The following AFF4 variants were observed in gnomAD, a reference collection of about 807,000 sequenced individuals.
The protein encoded by AFF4 is ALF transcription elongation factor 4, also known as AF4/FMR2 family member 4.
Under a neutral mutation model 124.8 loss-of-function variants are expected in AFF4, and 13 were observed. That is an observed-to-expected ratio of 0.10 (90% CI 0.07 to 0.17). The LOEUF is 0.17. AFF4 is among the 10% of genes least tolerant of loss of function. The probability of loss-of-function intolerance (pLI) is 1.00; values close to 1 mark genes in which losing one functional copy is unlikely to be tolerated. For synonymous variants in AFF4, 477 were observed against 496.1 expected (o/e 0.96, Z 0.51); for missense variants, 1,092 against 1,403.8 (o/e 0.78, Z 3.55).
chr5:132,926,468 A>G (rs1331502693), intron 5 of AFF4, among the ~76,000 whole-genome samples: 1 of 152,048 alleles, frequency 6.6e-6, no homozygotes, highest in East Asian at 1.9e-4. Context: ...GGTTCTTAAA[A>G]CAACAGTTTG....
chr5:132,952,686 G>C (rs766182311), intron 1 of AFF4, among the ~76,000 whole-genome samples: 8 of 152,196 alleles, frequency 5.3e-5, no homozygotes, highest in Non-Finnish European at 8.8e-5. Context: ...TTGAGGTCAG[G>C]AGTTCAAGAC....
chr5:132,900,502 G>A (rs1425413095), intron 7 of AFF4, among the ~76,000 whole-genome samples: 2 of 152,140 alleles, frequency 1.3e-5, no homozygotes, highest in East Asian at 1.9e-4. Flanking sequence ...GGAGGTTGCA[G>A]TGAGCCGACA....
intron 1 of AFF4, among the ~76,000 whole-genome samples, chr5:132,938,450 G>A (rs1372482228): frequency 6.6e-6 from 1 of 151,514 alleles, no homozygotes; most frequent in East Asian, 2.0e-4. Flanking sequence ...ATTTTTAGTA[G>A]AGACAGGATT....
At chr5:132,962,190 T>C (rs568804506) in intron 1 of AFF4, among the ~76,000 whole-genome samples, 2 of 152,372 alleles carry the variant, frequency 1.3e-5, no homozygotes, top group South Asian at 2.1e-4. Flanking sequence ...AAAAGCACTT[T>C]ATGAAGTGCA....
At chr5:132,936,836 T>C (rs1411034996) in intron 2 of AFF4, among the ~76,000 whole-genome samples, 1 of 152,184 alleles carries the variant, frequency 6.6e-6, no homozygotes, top group African/African-American at 2.4e-5. Flanking sequence ...CTGTTGATGC[T>C]GTGAAAATTC....
At chr5:132,901,211 T>C (rs1294188930) in intron 7 of AFF4, 9 of 952,330 alleles carry the variant, frequency 9.5e-6, no homozygotes, top group Admixed American at 6.2e-5. Flanking sequence ...TGTTTACACA[T>C]GTGAATATGT....
At chr5:132,952,009 C>T in intron 1 of AFF4, among the ~76,000 whole-genome samples, 1 of 152,196 alleles carries the variant, frequency 6.6e-6, no homozygotes. Context: ...TGTATCCACA[C>T]AGTTTACTTA....
At chr5:132,882,050 AAAAAGTAG>A (rs1320952300) in intron 20 of AFF4, among the ~76,000 whole-genome samples, 1 of 151,978 alleles carries the variant, frequency 6.6e-6, no homozygotes, top group Non-Finnish European at 1.5e-5. Flanking sequence ...TTATCTCTAC[AAAAAGTAG>A]AAAAATTAGC....
chr5:132,908,104 G>A (rs942838094), intron 5 of AFF4, among the ~76,000 whole-genome samples: 1 of 151,492 alleles, frequency 6.6e-6, no homozygotes, highest in Non-Finnish European at 1.5e-5. Context: ...GCTTAAACAA[G>A]TTTGTCTTCC....
Position 132,879,039 on chromosome 5 carries a change from T to C in AFF4, c.*2020A>G, listed in dbSNP as rs1425475439. 9.0e-6 allele frequency: 2 copies of C among 222,316 alleles called. No individual in the cohort carries two copies. Among genetic ancestry groups the C allele is most frequent in the Admixed American group, 5.7e-5 (1 of 17,404 alleles). The allele number at this position is 222,316 out of a possible 1,614,324, so 13.8% of individuals were successfully genotyped here. On this transcript the variant is annotated 3_prime_UTR_variant, in exon 21 of 21. Transcript: ENST00000265343. ...CATGATCATTGAGAAGTTGTCCTCTTATGGAAAACTGTTCCTAGAACACAC... is the reference window on the plus strand; with the variant it reads ...CATGATCATTGAGAAGTTGTCCTCTCATGGAAAACTGTTCCTAGAACACAC...
At chr5:132,909,474 G>T (rs552602839) in intron 5 of AFF4, among the ~76,000 whole-genome samples, 1 of 152,118 alleles carries the variant, frequency 6.6e-6, no homozygotes, top group Non-Finnish European at 1.5e-5. Flanking sequence ...AGAGAAGGGG[G>T]TTTAATTATT....
chr5:132,898,453 T>C, intron 9 of AFF4, 61 bp from the exon 10 acceptor site: 1 of 1,459,248 alleles, frequency 6.9e-7, no homozygotes, highest in Non-Finnish European at 9.1e-7. Context: ...CAGGAAAACA[T>C]CCAAATCGAC....
chr5:132,927,498 A>T, intron 4 of AFF4: 1 of 298,270 alleles, frequency 3.4e-6, no homozygotes, highest in Non-Finnish European at 6.2e-6. Context: ...ATAAAACGCT[A>T]ATCAGGAAGA....
chr5:132,946,340 C>G (rs1449081414), intron 1 of AFF4, among the ~76,000 whole-genome samples: 1 of 152,178 alleles, frequency 6.6e-6, no homozygotes, highest in East Asian at 1.9e-4. Flanking sequence ...AAAGCAGAGA[C>G]TCAAACAGAT....
At chr5:132,925,007 T>G (rs1302988950) in intron 5 of AFF4, among the ~76,000 whole-genome samples, 1 of 151,672 alleles carries the variant, frequency 6.6e-6, no homozygotes, top group Non-Finnish European at 1.5e-5. Flanking sequence ...AAACCCTGTC[T>G]CTACTAAAAA....
Position 132,896,509 on chromosome 5 carries a change from C to T in AFF4, c.2121G>A (p.Glu707=), listed in dbSNP as rs1246577547. 1 of 1,614,172 alleles carries T rather than the reference C, an allele frequency of 6.2e-7. No homozygotes were observed. The highest frequency in any genetic ancestry group is 1.7e-5 in the Admixed American group (1 of 60,014). Residue 707 remains glutamate (E), a synonymous_variant, in exon 11 of 21, where the codon GAG becomes GAA. Transcript: ENST00000265343. ...CAATAAGTGGGTACCTGTCATCAGGCTCACTGAGGGGTGAAAGAAGTTCCT... is the reference window on the plus strand; with the variant it reads ...CAATAAGTGGGTACCTGTCATCAGGTTCACTGAGGGGTGAAAGAAGTTCCT... ...EEKELLSPLS[E]PDDRYPLIVK...
intron 17 of AFF4, 73 bp downstream of exon 17, chr5:132,887,448 A>C: frequency 7.4e-7 from 1 of 1,345,758 alleles, no homozygotes; most frequent in Non-Finnish European, 1.1e-6. Flanking sequence ...GAAAACATTC[A>C]GAAGAGCACA....
Position 132,896,444 on chromosome 5 carries a change from T to A in AFF4, c.2186A>T (p.Lys729Met), listed in dbSNP as rs200153226. Residue 729 changes from lysine (K) to methionine (M), a missense_variant, in exon 11 of 21, where the codon AAG (lysine) becomes ATG (methionine). Transcript: ENST00000265343. ...GGGCGGCTCTGTTTCTTTGTAAGGC[T>A]TTCCTGGTATTCTAGTCAAAAGATT... ...DLNLLTRIPG[K>M]PYKETEPPKG... 6.2e-7 allele frequency: 1 copy of A among 1,614,230 alleles called. No individual in the cohort carries two copies. The highest frequency in any genetic ancestry group is 2.2e-5 in the East Asian group (1 of 44,890).
At chr5:132,935,442 A>G (rs1761402048) in intron 2 of AFF4, among the ~76,000 whole-genome samples, 2 of 152,200 alleles carry the variant, frequency 1.3e-5, no homozygotes, top group South Asian at 4.1e-4. Context: ...CCTGGCCAAC[A>G]TGGTGAAAAC....
Sources: allele counts gnomAD v4.1 joint callset (sites outside exome capture counted in the v4.1 genomes callset), GRCh38; gene constraint gnomAD v4.1.1; transcripts MANE v1.5; gene names NCBI Gene and HGNC (gene_info 2026-07-23, HGNC 2026-07-21).